ARHGEF1: variants seen among roughly 807,000 people sequenced by gnomAD.
ARHGEF1 encodes Rho guanine nucleotide exchange factor 1, also known as 115 kDa guanine nucleotide exchange factor.
ARHGEF1 carries 40 observed loss-of-function variants against 119.7 expected under a neutral mutation model. The ratio of observed to expected loss-of-function variants is 0.33; its 90% CI spans 0.26 to 0.44. ARHGEF1 has a LOEUF of 0.44. ARHGEF1 is among the 20% of genes least tolerant of loss of function. ARHGEF1 has a pLI of 1.00. For synonymous variants in ARHGEF1, 494 were observed against 521.0 expected (o/e 0.95, Z 0.71); for missense variants, 976 against 1,268.3 (o/e 0.77, Z 3.50).
intron 12 of ARHGEF1, 115 bp downstream of exon 12, chr19:41,895,601 C>A: frequency 1.7e-6 from 2 of 1,153,956 alleles, no homozygotes; most frequent in Admixed American, 2.6e-5. Context: ...CTCCCCTTTG[C>A]TCTCAGCATC....
intron 18 of ARHGEF1, among the ~76,000 whole-genome samples, chr19:41,915,654 T>C (rs2074796318): frequency 1.3e-5 from 2 of 152,026 alleles, no homozygotes; most frequent in Admixed American, 1.3e-4. Flanking sequence ...CCATGCCCCA[T>C]CTCCCTGTCT....
intron 14 of ARHGEF1, 44 bp downstream of exon 14, chr19:41,898,631 C>A: frequency 6.5e-7 from 1 of 1,539,842 alleles, no homozygotes; most frequent in Non-Finnish European, 8.7e-7. Flanking sequence ...AGGACACAGT[C>A]CAGCTCTGGC....
In ARHGEF1 at chr19:41,905,387, A is replaced by G; in HGVS notation, c.2336+126A>G. The G allele has an allele frequency of 8.5e-6, 7 of 826,064 alleles. No individual in the cohort carries two copies. Among genetic ancestry groups the G allele is most frequent in the South Asian group, 5.1e-5 (3 of 58,698 alleles). The allele number at this position is 826,064 out of a possible 1,614,324, so 51.2% of individuals were successfully genotyped here. A position where few individuals can be genotyped will look rare whatever the true frequency, so the allele number is the denominator to read the frequency against. ...CACATGTGTGAATGCATGTGTGTGC[A>G]TACATGTGTGTCTGTACGCAAGTAT... On this transcript the variant is annotated intron_variant, in intron 24 of 28. Coordinates refer to ENST00000354532, the MANE Select transcript of ARHGEF1 (RefSeq NM_004706.4). The surrounding 1 kb of genome is among the most constrained non-coding windows in gnomAD (Gnocchi z 6.4).
Position 41,902,127 on chromosome 19 carries a change from T to G in ARHGEF1, c.1414+94T>G. On this transcript the variant is annotated intron_variant, in intron 15 of 28. Transcript: ENST00000354532. This position sits in a 1 kb window ranked among gnomAD's most constrained non-coding sequence, Gnocchi z 6.5. ...TTCAACCTGCTCGGGAACCCCAGGG[T>G]TCACATGGGGTGGGGGCAGATACGC... The G allele has an allele frequency of 6.4e-7, 1 of 1,567,496 alleles. No homozygotes were observed. The highest frequency in any genetic ancestry group is 8.7e-7 in the Non-Finnish European group (1 of 1,149,822).
At chr19:41,908,988 C>G, downstream of ARHGEF1, 1 of 974,942 alleles carries the variant, frequency 1.0e-6, no homozygotes, top group Non-Finnish European at 1.3e-6. The surrounding 1 kb of genome is among the most constrained non-coding windows in gnomAD (Gnocchi z 6.7). Flanking sequence ...CTTGTCTTTT[C>G]TCATCCTCTT....
intron 1 of ARHGEF1, among the ~76,000 whole-genome samples, chr19:41,885,324 A>G (rs1473702263): frequency 1.3e-5 from 2 of 152,180 alleles, no homozygotes; most frequent in Non-Finnish European, 2.9e-5. Flanking sequence ...TAGTGACCAC[A>G]TACCCGTGAC....
In ARHGEF1 at chr19:41,906,206, TC is replaced by T; in HGVS notation, c.2491+184del. 1.5e-6 allele frequency: 1 copy of T among 669,574 alleles called. No homozygotes were observed. The highest frequency in any genetic ancestry group is 2.6e-6 in the Non-Finnish European group (1 of 391,248). The allele number at this position is 669,574 out of a possible 1,614,324, so 41.5% of individuals were successfully genotyped here. A position where few individuals can be genotyped will look rare whatever the true frequency, so the allele number is the denominator to read the frequency against. ...CCACGTCCCTCTTCTGCAGCCACCATCCCTTGCTTGATTCTATATTTAGCCT... is the reference window on the plus strand; with the variant it reads ...CCACGTCCCTCTTCTGCAGCCACCATCCTTGCTTGATTCTATATTTAGCCT... On this transcript the variant is annotated intron_variant, in intron 26 of 28. Coordinates refer to ENST00000354532, the MANE Select transcript of ARHGEF1 (RefSeq NM_004706.4). This position sits in a 1 kb window ranked among gnomAD's most constrained non-coding sequence, Gnocchi z 4.5.
chr19:41,921,071 G>A (rs756002465), upstream of ARHGEF1, among the ~76,000 whole-genome samples: 2 of 152,192 alleles, frequency 1.3e-5, no homozygotes, highest in African/African-American at 2.4e-5. The surrounding 1 kb of genome is among the most constrained non-coding windows in gnomAD (Gnocchi z 4.4). Flanking sequence ...GAGCGTCCCC[G>A]GGGAGGTGGG....
Position 41,906,077 on chromosome 19 carries a change from G to A in ARHGEF1, c.2491+52G>A. 1.3e-6 allele frequency: 2 copies of A among 1,519,420 alleles called. No homozygotes were observed. Among genetic ancestry groups the A allele is most frequent in the Non-Finnish European group, 9.1e-7 (1 of 1,097,588 alleles). 94.1% of individuals were successfully genotyped at this position (1,519,420 alleles called of 1,614,324 possible). On this transcript the variant is annotated intron_variant, in intron 26 of 28. Coordinates refer to ENST00000354532, the MANE Select transcript of ARHGEF1 (RefSeq NM_004706.4). This position sits in a 1 kb window ranked among gnomAD's most constrained non-coding sequence, Gnocchi z 4.5. ...GGCCACCAGCCCAAACAGTGCCTCT[G>A]TTCCAACTAGAACAAGGCTCTCCAC...
upstream of ARHGEF1, among the ~76,000 whole-genome samples, chr19:41,920,715 A>G (rs1051126375): frequency 6.6e-6 from 1 of 152,246 alleles, no homozygotes. Flanking sequence ...GCACATGCGC[A>G]CACACACACT....
chr19:41,888,940 G>C lies in ARHGEF1; in HGVS notation c.225+75G>C, dbSNP rs782046327. 4.0e-5 allele frequency: 51 copies of C among 1,270,146 alleles called. No individual in the cohort carries two copies. Among genetic ancestry groups the C allele is most frequent in the Non-Finnish European group, 5.3e-5 (48 of 905,204 alleles). The allele number at this position is 1,270,146 out of a possible 1,614,324, so 78.7% of individuals were successfully genotyped here. A position where few individuals can be genotyped will look rare whatever the true frequency, so the allele number is the denominator to read the frequency against. On this transcript the variant is annotated intron_variant, in intron 4 of 28. Coordinates refer to ENST00000354532, the MANE Select transcript of ARHGEF1 (RefSeq NM_004706.4). The surrounding 1 kb of genome is among the most constrained non-coding windows in gnomAD (Gnocchi z 5.1). ...ACAGCTTTTAGCGAATTAAACCAGC[G>C]AGCTAGTGCCTGGAGGGTCTGGAAA...
At chr19:41,926,712 G>T (rs566432120) in intron 1 of ARHGEF1, among the ~76,000 whole-genome samples, 10 of 152,258 alleles carry the variant, frequency 6.6e-5, no homozygotes, top group African/African-American at 2.4e-4. Flanking sequence ...GCGGCCGGCC[G>T]GGAGGGGGGA....
rs182220387 is a variant in ARHGEF1, at chr19:41,888,459, C to T, written c.111+181C>T. ...CACAGCAGCATAGACGCCCACCCTT[C>T]TTACTCTTAACCCCATTTCTTATCG... On this transcript the variant is annotated intron_variant, in intron 3 of 28. Coordinates refer to ENST00000354532, the MANE Select transcript of ARHGEF1 (RefSeq NM_004706.4). The surrounding 1 kb of genome is among the most constrained non-coding windows in gnomAD (Gnocchi z 5.1). Among the ~76,000 whole-genome samples the T allele has an allele frequency of 3.9e-3, 599 of 152,226 alleles. 4 individuals carry two copies. The highest frequency in any genetic ancestry group is 0.014 in the African/African-American group (588 of 41,528).
In ARHGEF1 at chr19:41,888,659, T is replaced by C. The variant is rs2074331019; in HGVS notation, c.112-93T>C. The C allele has an allele frequency of 8.1e-7, 1 of 1,231,784 alleles. No individual in the cohort carries two copies. Among genetic ancestry groups the C allele is most frequent in the Non-Finnish European group, 1.2e-6 (1 of 852,958 alleles). 76.3% of individuals were successfully genotyped at this position (1,231,784 alleles called of 1,614,324 possible). On this transcript the variant is annotated intron_variant, in intron 3 of 28. Coordinates refer to ENST00000354532, the MANE Select transcript of ARHGEF1 (RefSeq NM_004706.4). The surrounding 1 kb of genome is among the most constrained non-coding windows in gnomAD (Gnocchi z 5.1). ...CCACTTCCCAGGAGCTAACCCTGGC[T>C]TGGATCCCTTGTGAAGTGCCAGGAA...
rs782665151 is a variant in ARHGEF1 at position 41,895,466 on chromosome 19, A to G, written c.995A>G (p.Asp332Gly). ...PGVSLHPLSL[D>G]SPDREPGADA... ...GTCTCTCTGCACCCTCTGTCCCTGGACAGCCCAGACCGGGAACCAGGTGAG... is the reference window on the plus strand; with the variant it reads ...GTCTCTCTGCACCCTCTGTCCCTGGGCAGCCCAGACCGGGAACCAGGTGAG... The change falls in exon 12 of 29, where the codon GAC (aspartate) becomes GGC (glycine). Residue 332 changes from aspartate to glycine, a missense_variant. By Grantham distance (94) the Asp-to-Gly change is moderately conservative. Transcript: ENST00000354532. 6.2e-7 allele frequency: 1 copy of G among 1,608,252 alleles called. No homozygotes were observed. The highest frequency in any genetic ancestry group is 8.5e-7 in the Non-Finnish European group (1 of 1,177,156).
At chr19:41,924,894 G>C (rs1385723584) in intron 1 of ARHGEF1, among the ~76,000 whole-genome samples, 1 of 152,168 alleles carries the variant, frequency 6.6e-6, no homozygotes, top group African/African-American at 2.4e-5. Context: ...TCCTAAAGGT[G>C]TGGTGGTGAC....
intron 18 of ARHGEF1, among the ~76,000 whole-genome samples, chr19:41,912,659 G>T (rs958954670): frequency 6.6e-6 from 1 of 152,230 alleles, no homozygotes; most frequent in African/African-American, 2.4e-5. Flanking sequence ...CACGCAGGGG[G>T]CAGGGGAATC....
intron 8 of ARHGEF1, among the ~76,000 whole-genome samples, chr19:41,893,812 G>A (rs2074423119): frequency 1.3e-5 from 1 of 74,610 alleles, no homozygotes; most frequent in Admixed American, 1.1e-4. Flanking sequence ...TCTGAGGGAG[G>A]AGGGGGCTGG....
downstream of ARHGEF1, among the ~76,000 whole-genome samples, chr19:41,911,222 C>T (rs2074749636): frequency 6.6e-6 from 1 of 152,170 alleles, no homozygotes; most frequent in Non-Finnish European, 1.5e-5. Flanking sequence ...AGGAGCTGGG[C>T]ACCCCGAAAT....
Sources: allele counts gnomAD v4.1 joint callset (sites outside exome capture counted in the v4.1 genomes callset), GRCh38; gene constraint gnomAD v4.1.1; non-coding constraint Gnocchi (gnomAD v3.1); transcripts MANE v1.5; gene names NCBI Gene and HGNC (gene_info 2026-07-23, HGNC 2026-07-21).